The following DOCK9 variants were observed in gnomAD, a reference collection of about 807,000 sequenced individuals.
The protein encoded by DOCK9 is dedicator of cytokinesis 9.
Under a neutral mutation model 263.3 loss-of-function variants are expected in DOCK9, and 89 were observed. The ratio of observed to expected loss-of-function variants is 0.34; its 90% CI spans 0.28 to 0.40. The LOEUF is 0.40. DOCK9 is among the 10% of genes least tolerant of loss of function. The pLI, the probability that DOCK9 is intolerant of heterozygous loss-of-function variation, is 1.00. For missense variants in DOCK9, 2,140 were observed against 2,603.4 expected, an observed-to-expected ratio of 0.82 and a Z score of 3.87; for synonymous variants, 976 against 973.1, an observed-to-expected ratio of 1.00 and a Z score of -0.06.
At chr13:98,831,556 G>A (rs752328661) in intron 40 of DOCK9, 26 bp from the exon 41 acceptor site, 22 of 1,587,160 alleles carry the variant, frequency 1.4e-5, no homozygotes, top group Non-Finnish European at 1.9e-5. Flanking sequence ...GGAAGCAGCA[G>A]ATAAACCACA....
chr13:98,823,170 T>TA (rs925305214), intron 45 of DOCK9, among the ~76,000 whole-genome samples: 13 of 152,278 alleles, frequency 8.5e-5, no homozygotes, highest in African/African-American at 2.9e-4. Context: ...TTTCCATTTT[T>TA]ACAACTCTCT....
At chr13:98,884,642 T>C (rs1261703801) in intron 21 of DOCK9, among the ~76,000 whole-genome samples, 1 of 152,214 alleles carries the variant, frequency 6.6e-6, no homozygotes, top group African/African-American at 2.4e-5. Flanking sequence ...AAATTCCTAA[T>C]AGTTTGCATG....
At chr13:98,920,931 G>A (rs1275488056) in intron 7 of DOCK9, 23 bp downstream of exon 7, 1 of 1,575,910 alleles carries the variant, frequency 6.3e-7, no homozygotes, top group Admixed American at 1.9e-5. Context: ...AAAACATAAT[G>A]GTAAAACTCT....
At chr13:99,058,635 TC>T (rs34173750) in intron 1 of DOCK9, among the ~76,000 whole-genome samples, 1 of 151,946 alleles carries the variant, frequency 6.6e-6, no homozygotes, top group Non-Finnish European at 1.5e-5. Context: ...TACCAAGGGT[TC>T]CCCCCATCCA....
intron 2 of DOCK9, among the ~76,000 whole-genome samples, chr13:98,935,026 T>C (rs2054591301): frequency 6.6e-6 from 1 of 151,468 alleles, no homozygotes; most frequent in African/African-American, 2.4e-5. Flanking sequence ...TACAGAAGAG[T>C]ATAGAGAAAA....
intron 52 of DOCK9, chr13:98,796,130 G>T: frequency 8.7e-7 from 1 of 1,148,294 alleles, no homozygotes; most frequent in Non-Finnish European, 1.3e-6. Flanking sequence ...AATGTCTGTA[G>T]TTGCTCAAAC....
At chr13:98,950,290 G>T in intron 2 of DOCK9, 6 of 760,512 alleles carry the variant, frequency 7.9e-6, no homozygotes, top group Non-Finnish European at 1.3e-5. Flanking sequence ...ATATAGGAAT[G>T]ATTCCAGTCG....
chr13:99,008,066 G>A (rs1329803806), intron 1 of DOCK9, among the ~76,000 whole-genome samples: 1 of 151,636 alleles, frequency 6.6e-6, no homozygotes, highest in Non-Finnish European at 1.5e-5. Flanking sequence ...AAAGGAAAAT[G>A]GAAGAGAAGG....
intron 1 of DOCK9, among the ~76,000 whole-genome samples, chr13:99,049,832 T>A (rs2040605298): frequency 6.6e-6 from 1 of 152,180 alleles, no homozygotes; most frequent in African/African-American, 2.4e-5. Context: ...GCTAAATTTT[T>A]GAAAGCAGGA....
chr13:98,923,396 G>GT lies in DOCK9; in HGVS notation c.417-26dup, dbSNP rs761237789. 19 of 1,602,174 alleles carry GT rather than the reference G, an allele frequency of 1.2e-5. No individual in the cohort carries two copies. The East Asian group carries it at 3.8e-4, about 32-fold the overall frequency. ...GCTATAAAAACAACAAAGAAAATTTGTTTTAGAAATGCCTAGTCAAGGAAG... is the reference window on the plus strand; with the variant it reads ...GCTATAAAAACAACAAAGAAAATTTGTTTTTAGAAATGCCTAGTCAAGGAAG... On this transcript the variant is annotated intron_variant, in intron 4 of 52. Coordinates refer to ENST00000682017, the MANE Select transcript of DOCK9 (RefSeq NM_001366683.2).
intron 32 of DOCK9, among the ~76,000 whole-genome samples, chr13:98,860,804 C>G (rs1192532205): frequency 6.6e-6 from 1 of 152,162 alleles, no homozygotes; most frequent in Non-Finnish European, 1.5e-5. Flanking sequence ...TAACACCTTT[C>G]CCTTTCCAGA....
At chr13:98,975,070 A>G (rs1301239800) in intron 1 of DOCK9, among the ~76,000 whole-genome samples, 1 of 152,232 alleles carries the variant, frequency 6.6e-6, no homozygotes, top group Non-Finnish European at 1.5e-5. Context: ...CTAAAATGAG[A>G]TAATATGCAG....
At chr13:99,058,899 A>ACACC (rs2041054311) in intron 1 of DOCK9, among the ~76,000 whole-genome samples, 1 of 152,080 alleles carries the variant, frequency 6.6e-6, no homozygotes, top group African/African-American at 2.4e-5. Flanking sequence ...CTCTGCATGT[A>ACACC]CACCCCACTT....
intron 1 of DOCK9, among the ~76,000 whole-genome samples, chr13:99,034,187 T>C (rs891739236): frequency 2.6e-5 from 4 of 152,006 alleles, no homozygotes; most frequent in African/African-American, 4.8e-5. Flanking sequence ...GATGAATTCA[T>C]TCCAACTGGT....
At chr13:99,023,564 T>C (rs1886364529) in intron 1 of DOCK9, among the ~76,000 whole-genome samples, 2 of 152,236 alleles carry the variant, frequency 1.3e-5, no homozygotes, top group Admixed American at 1.3e-4. Context: ...TGATGATGGC[T>C]GCACAGCAAT....
intron 1 of DOCK9, among the ~76,000 whole-genome samples, chr13:99,038,819 T>C (rs1349980080): frequency 6.6e-6 from 1 of 152,226 alleles, no homozygotes; most frequent in Admixed American, 6.5e-5. Context: ...CTAGAAGTTA[T>C]TGAGCATTTG....
At chr13:98,820,237 G>T (rs1049567711) in intron 45 of DOCK9, among the ~76,000 whole-genome samples, 1 of 152,162 alleles carries the variant, frequency 6.6e-6, no homozygotes, top group Non-Finnish European at 1.5e-5. Context: ...ATAGCCAACA[G>T]CACTAGAACT....
intron 9 of DOCK9, 30 bp downstream of exon 9, chr13:98,914,298 C>A (rs773946466): frequency 6.3e-7 from 1 of 1,584,178 alleles, no homozygotes; most frequent in East Asian, 2.3e-5. Flanking sequence ...CAGCATTCAA[C>A]GAAGAGCAGA....
intron 39 of DOCK9, among the ~76,000 whole-genome samples, chr13:98,836,745 T>A (rs1594519273): frequency 2.2e-5 from 2 of 92,426 alleles, no homozygotes; most frequent in African/African-American, 6.1e-5. Context: ...CTCATTATTC[T>A]TCCTAATAAA....
Sources: gnomAD v4.1 joint callset for allele counts (sites outside exome capture counted in the v4.1 genomes callset) on GRCh38, gnomAD v4.1.1 for gene constraint, MANE v1.5 for transcripts, NCBI Gene and HGNC (gene_info 2026-07-23, HGNC 2026-07-21) for gene names.